RGS5: variants seen among roughly 807,000 people sequenced by gnomAD.
RGS5 encodes regulator of G protein signaling 5.
Under a neutral mutation model 18.9 loss-of-function variants are expected in RGS5, and 20 were observed. The observed-to-expected ratio is 1.06, with a 90% confidence interval of 0.74 to 1.54. RGS5 has a LOEUF of 1.54. Ranked by LOEUF, RGS5 falls within the 40% of genes most tolerant of loss-of-function variation. The pLI, the probability that RGS5 is intolerant of heterozygous loss-of-function variation, is 0.00. For missense variants in RGS5, 201 were observed against 211.8 expected (o/e 0.95, Z 0.32); for synonymous variants, 57 against 76.2 (o/e 0.75, Z 1.31).
chr1:163,278,742 AAG>A (rs1648922097), intron 2 of RGS5, among the ~76,000 whole-genome samples: 1 of 152,130 alleles, frequency 6.6e-6, no homozygotes, highest in African/African-American at 2.4e-5. Context: ...CTCCAATTAA[AAG>A]AAATAGACTG....
intron 2 of RGS5, among the ~76,000 whole-genome samples, chr1:163,167,203 A>G (rs1658091496): frequency 6.6e-6 from 1 of 152,236 alleles, no homozygotes; most frequent in South Asian, 2.1e-4. Flanking sequence ...AGGCTGGCCA[A>G]TTTACACAAA....
Position 163,143,635 on chromosome 1 carries a change from TC to T in RGS5, c.*3706del, listed in dbSNP as rs1657010699. The T allele has an allele frequency of 6.6e-6, 1 of 152,168 alleles. No individual in the cohort carries two copies. Among genetic ancestry groups the T allele is most frequent in the Non-Finnish European group, 1.5e-5 (1 of 68,022 alleles). The allele number at this position is 152,168 out of a possible 1,614,324, so 9.4% of individuals were successfully genotyped here. A position where few individuals can be genotyped will look rare whatever the true frequency, so the allele number is the denominator to read the frequency against. ...TCTGAGCACTTACTTTTTAACCTCT[TC>T]CCTTCTCCCCTTTCTTCCCTTTCTT... On this transcript the variant is annotated 3_prime_UTR_variant, in exon 5 of 5. Transcript: ENST00000313961.
At chr1:163,246,481 G>A (rs1007781928) in intron 2 of RGS5, among the ~76,000 whole-genome samples, 4 of 151,622 alleles carry the variant, frequency 2.6e-5, no homozygotes, top group Admixed American at 2.0e-4. Flanking sequence ...TGAGGCAGGA[G>A]AATCGCTTGA....
At chr1:163,150,578 G>T (rs1257855433) in intron 4 of RGS5, among the ~76,000 whole-genome samples, 2 of 152,132 alleles carry the variant, frequency 1.3e-5, no homozygotes, top group African/African-American at 4.8e-5. Flanking sequence ...ACAGAAGTAG[G>T]GTAGAGCTAA....
chr1:163,260,339 GA>G (rs2101705041), intron 2 of RGS5: 1 of 152,080 alleles, frequency 6.6e-6, no homozygotes, highest in South Asian at 2.1e-4. Context: ...GCTTTCTTTA[GA>G]AAATGGTCTT....
chr1:163,294,305 C>T (rs999824196), intron 2 of RGS5, among the ~76,000 whole-genome samples: 2 of 152,208 alleles, frequency 1.3e-5, no homozygotes, highest in Non-Finnish European at 2.9e-5. Flanking sequence ...CAGAGGCTCC[C>T]AAAGCTCAGC....
intron 2 of RGS5, chr1:163,306,083 C>T (rs1379558513): frequency 6.6e-6 from 1 of 152,140 alleles, no homozygotes. Flanking sequence ...GGCTTGGGTA[C>T]ATTTTAATCA....
intron 2 of RGS5, among the ~76,000 whole-genome samples, chr1:163,162,480 G>A (rs1042915932): frequency 6.6e-6 from 1 of 152,012 alleles, no homozygotes; most frequent in African/African-American, 2.4e-5. Context: ...AGTGTATAAT[G>A]CTTTCCTTAT....
At chr1:163,148,744 T>G (rs1229615798) in intron 4 of RGS5, among the ~76,000 whole-genome samples, 1 of 152,040 alleles carries the variant, frequency 6.6e-6, no homozygotes, top group Admixed American at 6.6e-5. Flanking sequence ...TCCTCTGGAG[T>G]TGTACAAGGT....
intron 2 of RGS5, among the ~76,000 whole-genome samples, chr1:163,242,159 G>A (rs189853790): frequency 2.4e-4 from 36 of 152,240 alleles, no homozygotes; most frequent in Non-Finnish European, 2.9e-4. Context: ...AAGTTTTGAC[G>A]TAAACATCTG....
At chr1:163,202,970 G>T, upstream of RGS5, 2 of 757,924 alleles carry the variant, frequency 2.6e-6, no homozygotes, top group Non-Finnish European at 4.3e-6. Flanking sequence ...GCCCTCTGTT[G>T]CTCTTCCAGC....
intron 2 of RGS5, among the ~76,000 whole-genome samples, chr1:163,253,594 G>A (rs1648177927): frequency 6.6e-6 from 1 of 151,194 alleles, no homozygotes; most frequent in Non-Finnish European, 1.5e-5. Flanking sequence ...ACAGGCGTGA[G>A]CCACCGCACC....
At chr1:163,286,038 CTA>C (rs141052494) in intron 2 of RGS5, among the ~76,000 whole-genome samples, 8 of 149,378 alleles carry the variant, frequency 5.4e-5, no homozygotes, top group South Asian at 2.1e-4. Context: ...ACACACCCCA[CTA>C]TATATATATA....
intron 1 of RGS5, among the ~76,000 whole-genome samples, chr1:163,311,307 T>G (rs184346373): frequency 1.3e-5 from 2 of 152,326 alleles, no homozygotes; most frequent in Non-Finnish European, 1.5e-5. Context: ...CCACTCAAAC[T>G]TTCTCCATAT....
intron 3 of RGS5, among the ~76,000 whole-genome samples, chr1:163,154,491 T>C (rs1363708047): frequency 6.6e-6 from 1 of 152,064 alleles, no homozygotes; most frequent in Non-Finnish European, 1.5e-5. Context: ...ACATTTTTAA[T>C]TGATTAACAA....
chr1:163,269,630 C>T lies in RGS5; in HGVS notation c.-281+36603G>A, dbSNP rs191626345. Among the ~76,000 whole-genome samples, 739 of 152,174 alleles carry T rather than the reference C, an allele frequency of 4.9e-3. 5 individuals carry two copies. The highest frequency in any genetic ancestry group is 0.017 in the African/African-American group (695 of 41,504). ...GCAACTATTATGTTATTACTAAATC[C>T]ATTTAATATATGAAGAGAAACAGGG... On this transcript the variant is annotated intron_variant, in intron 2 of 5. Transcript: ENST00000618415.
At chr1:163,305,791 T>C (rs1649681285) in intron 2 of RGS5, among the ~76,000 whole-genome samples, 1 of 152,182 alleles carries the variant, frequency 6.6e-6, no homozygotes, top group Non-Finnish European at 1.5e-5. Flanking sequence ...ATGATTCTCT[T>C]GTAGCACATT....
chr1:163,281,094 T>A (rs12116676), intron 2 of RGS5, among the ~76,000 whole-genome samples: 45,985 of 151,790 alleles, frequency 0.3, 7,011 homozygotes, highest in Non-Finnish European at 0.32. Context: ...GTTTTAAAAA[T>A]GGGAGTTTCT....
At chr1:163,217,628 GAC>G in exon 1 of RGS5, 1 of 1,536,090 alleles carries the variant, frequency 6.5e-7, no homozygotes, top group Non-Finnish European at 8.8e-7. Context: ...TGTTTTGTCA[GAC>G]ACTTCTTTCC....
Sources: allele counts gnomAD v4.1 joint callset (sites outside exome capture counted in the v4.1 genomes callset), GRCh38; gene constraint gnomAD v4.1.1; transcripts MANE v1.5; gene names NCBI Gene and HGNC (gene_info 2026-07-23, HGNC 2026-07-21).